Variants in DDR2 observed in about 807,000 individuals in gnomAD.
DDR2 encodes discoidin domain receptor tyrosine kinase 2.
A neutral mutation model predicts 94.9 loss-of-function variants in DDR2; 27 were observed. That is an observed-to-expected ratio of 0.28 (90% CI 0.21 to 0.39). The LOEUF (loss-of-function observed/expected upper bound fraction) is 0.39. Ranked by LOEUF, DDR2 falls within the 10% of genes least tolerant of loss-of-function variation. The pLI is 1.00. For synonymous variants in DDR2, 382 were observed against 377.2 expected (o/e 1.01, Z -0.15); for missense variants, 783 against 1,076.0 (o/e 0.73, Z 3.81).
At chr1:162,654,721 T>C (rs1472327691) in intron 1 of DDR2, among the ~76,000 whole-genome samples, 1 of 152,110 alleles carries the variant, frequency 6.6e-6, no homozygotes, top group Non-Finnish European at 1.5e-5. Context: ...ACTAAGTTGT[T>C]TTTATTCTCA....
chr1:162,656,095 T>C (rs1240749108), intron 2 of DDR2, among the ~76,000 whole-genome samples: 1 of 152,198 alleles, frequency 6.6e-6, no homozygotes, highest in Non-Finnish European at 1.5e-5. Flanking sequence ...TCTCAGTTCA[T>C]CCTTTGGCAG....
intron 9 of DDR2, among the ~76,000 whole-genome samples, chr1:162,765,334 A>C (rs1230498202): frequency 2.0e-5 from 3 of 152,130 alleles, no homozygotes; most frequent in Non-Finnish European, 4.4e-5. Flanking sequence ...GAAGAAGAAA[A>C]ATTAGGATAC....
rs150022245 is a variant in DDR2, at chr1:162,720,199, T to A, written c.82+1054T>A. On this transcript the variant is annotated intron_variant, in intron 3 of 17. Coordinates refer to ENST00000367921, the MANE Select transcript of DDR2 (RefSeq NM_006182.4). ...ATATGAACATGGAAAAGTATACAGC[T>A]TAAATGTTCAATTTTATGAATTCAT... is the stretch of plus-strand genomic sequence containing the variant. Among the ~76,000 whole-genome samples the A allele has an allele frequency of 2.2e-3, 333 of 151,958 alleles. 3 individuals are homozygous for A. Among genetic ancestry groups the A allele is most frequent in the African/African-American group, 7.7e-3 (318 of 41,506 alleles).
chr1:162,660,328 G>T (rs1658227329), intron 2 of DDR2, among the ~76,000 whole-genome samples: 1 of 152,178 alleles, frequency 6.6e-6, no homozygotes, highest in Non-Finnish European at 1.5e-5. Context: ...TTTGGGGGTA[G>T]AGGAGGTAGG....
At chr1:162,714,682 T>G (rs887236821) in intron 2 of DDR2, among the ~76,000 whole-genome samples, 14 of 152,208 alleles carry the variant, frequency 9.2e-5, no homozygotes, top group Non-Finnish European at 1.6e-4. Context: ...TCTATTTTAT[T>G]TTCTTCCCTG....
chr1:162,689,109 G>C, intron 2 of DDR2, among the ~76,000 whole-genome samples: 1 of 152,348 alleles, frequency 6.6e-6, no homozygotes, highest in Non-Finnish European at 1.5e-5. Context: ...CTGCAGGCTA[G>C]TGTCACGCTG....
chr1:162,730,320 G>C (rs1218810965), intron 3 of DDR2, among the ~76,000 whole-genome samples: 1 of 152,128 alleles, frequency 6.6e-6, no homozygotes, highest in Non-Finnish European at 1.5e-5. Context: ...CGGGACTGCA[G>C]GGGAGGGTGA....
Position 162,772,092 on chromosome 1 carries a change from G to C in DDR2, c.1573G>C (p.Asp525His). ...GGGGGTGCCCCACTATGCAGAGGCT[G>C]ACATAGTGAACCTCCAAGGAGTGAC... is the stretch of plus-strand genomic sequence containing the variant. The part of the protein sequence containing the change: ...PEGVPHYAEA[D>H]IVNLQGVTGG... The change falls in exon 13 of 18, where the codon GAC becomes CAC. Residue 525 changes from aspartate (D) to histidine (H), a missense_variant. Transcript: ENST00000367921. 1 of 1,614,058 alleles carries C rather than the reference G, an allele frequency of 6.2e-7. No individual in the cohort carries two copies. The highest frequency in any genetic ancestry group is 1.1e-5 in the South Asian group (1 of 91,046).
intron 1 of DDR2, among the ~76,000 whole-genome samples, chr1:162,652,958 T>C (rs564922802): frequency 1.3e-5 from 2 of 152,078 alleles, no homozygotes; most frequent in African/African-American, 4.8e-5. Flanking sequence ...ATACAAAAGT[T>C]AGCTGGGCGT....
At chr1:162,689,582 T>C (rs1362308790) in intron 2 of DDR2, among the ~76,000 whole-genome samples, 3 of 152,014 alleles carry the variant, frequency 2.0e-5, no homozygotes, top group Non-Finnish European at 2.9e-5. Context: ...TTATTTTTTT[T>C]TTTTGTTAGT....
At chr1:162,712,709 T>C (rs1427726470) in intron 2 of DDR2, among the ~76,000 whole-genome samples, 1 of 152,136 alleles carries the variant, frequency 6.6e-6, no homozygotes, top group East Asian at 1.9e-4. Context: ...AGTGGGTTCT[T>C]TACTACAAAG....
chr1:162,742,199 A>T (rs2806423), intron 3 of DDR2, among the ~76,000 whole-genome samples: 122,243 of 152,250 alleles, frequency 0.8, 50,801 homozygotes, highest in Non-Finnish European at 0.92. Context: ...TATTACATTC[A>T]TATGTTCATC....
chr1:162,778,494 G>C lies in DDR2; in HGVS notation c.2284-86G>C, dbSNP rs2102205176. ...AATTCCTTGCCTGTGGTGGGGGAAG[G>C]GGTATAGCTGCAGATTATGAAATTT... On this transcript the variant is annotated intron_variant, in intron 16 of 17. Coordinates refer to ENST00000367921, the MANE Select transcript of DDR2 (RefSeq NM_006182.4). 2.0e-6 allele frequency: 3 copies of C among 1,531,856 alleles called. No homozygotes were observed. The East Asian group carries it at 6.8e-5, about 34-fold the overall frequency. The allele number at this position is 1,531,856 out of a possible 1,614,324, so 94.9% of individuals were successfully genotyped here.
At chr1:162,775,344 AT>A (rs934845874) in intron 14 of DDR2, among the ~76,000 whole-genome samples, 1 of 151,900 alleles carries the variant, frequency 6.6e-6, no homozygotes, top group Non-Finnish European at 1.5e-5. Flanking sequence ...TTAGCAGCCT[AT>A]TTTTGATTCA....
intron 2 of DDR2, among the ~76,000 whole-genome samples, chr1:162,694,388 T>G (rs1660092093): frequency 6.6e-6 from 1 of 152,158 alleles, no homozygotes; most frequent in Admixed American, 6.5e-5. Flanking sequence ...GAAAGGCCCT[T>G]TAGTCTCTGG....
intron 2 of DDR2, among the ~76,000 whole-genome samples, chr1:162,689,746 G>A (rs1659872869): frequency 6.7e-6 from 1 of 148,534 alleles, no homozygotes; most frequent in Non-Finnish European, 1.5e-5. Context: ...GCTCACGCCT[G>A]TAATCCCAGC....
At chr1:162,720,153 T>TA (rs918970024) in intron 3 of DDR2, among the ~76,000 whole-genome samples, 2 of 151,730 alleles carry the variant, frequency 1.3e-5, no homozygotes, top group Non-Finnish European at 2.9e-5. Flanking sequence ...TGGAGTCATT[T>TA]TTTTTTTCAT....
intron 3 of DDR2, among the ~76,000 whole-genome samples, chr1:162,733,529 T>C (rs1055606789): frequency 6.6e-6 from 1 of 152,218 alleles, no homozygotes; most frequent in African/African-American, 2.4e-5. Flanking sequence ...TTTCTTAATG[T>C]GACTATTGCT....
intron 1 of DDR2, among the ~76,000 whole-genome samples, chr1:162,648,335 AT>A (rs1181516816): frequency 6.6e-6 from 1 of 152,134 alleles, no homozygotes; most frequent in Non-Finnish European, 1.5e-5. Flanking sequence ...TGGCAGTCAG[AT>A]TGCTTATGGC....
Sources: gnomAD v4.1 joint callset for allele counts (sites outside exome capture counted in the v4.1 genomes callset) on GRCh38, gnomAD v4.1.1 for gene constraint, MANE v1.5 for transcripts, NCBI Gene and HGNC (gene_info 2026-07-23, HGNC 2026-07-21) for gene names.